The following SLCO6A1 variants were observed in gnomAD, a reference collection of about 807,000 sequenced individuals.
SLCO6A1 encodes the protein solute carrier organic anion transporter family member 6A1.
A neutral mutation model predicts 72.7 loss-of-function variants in SLCO6A1; 65 were observed. That is an observed-to-expected ratio of 0.89 (90% CI 0.73 to 1.10). The LOEUF (loss-of-function observed/expected upper bound fraction) is 1.10. SLCO6A1 is among the 50% of genes least tolerant of loss of function. SLCO6A1 has a pLI of 0.00. For synonymous variants in SLCO6A1, 314 were observed against 298.2 expected (o/e 1.05, Z -0.55); for missense variants, 874 against 872.6 (o/e 1.00, Z -0.02).
chr5:102,452,070 A>G (rs1750443960), intron 6 of SLCO6A1, among the ~76,000 whole-genome samples: 2 of 152,232 alleles, frequency 1.3e-5, no homozygotes, highest in Admixed American at 1.3e-4. Context: ...TATAGCAATA[A>G]TAGCTCACAT....
In SLCO6A1 at chr5:102,417,119, T is replaced by A. The variant is rs182129834; in HGVS notation, c.1472+2707A>T. Among the ~76,000 whole-genome samples the A allele has an allele frequency of 3.8e-3, 584 of 152,302 alleles. 3 individuals are homozygous for A. Among genetic ancestry groups the A allele is most frequent in the African/African-American group, 0.014 (562 of 41,584 alleles). ...TAATGATCTTCTTTATTCCTGCTAA[T>A]ATTCTTTGCTCTCAAAAATACTTGA... is the stretch of plus-strand genomic sequence containing the variant. On this transcript the variant is annotated intron_variant, in intron 8 of 13. Transcript: ENST00000506729.
At chr5:102,404,025 T>C (rs1165951296) in intron 9 of SLCO6A1, among the ~76,000 whole-genome samples, 1 of 152,218 alleles carries the variant, frequency 6.6e-6, no homozygotes, top group Admixed American at 6.5e-5. Flanking sequence ...TACATCACCA[T>C]TTACATAAAC....
At chr5:102,455,136 G>C (rs1001858638) in intron 6 of SLCO6A1, among the ~76,000 whole-genome samples, 1 of 151,286 alleles carries the variant, frequency 6.6e-6, no homozygotes, top group Non-Finnish European at 1.5e-5. Context: ...ATAGAGAAGA[G>C]AGACAATGAC....
At chr5:102,442,085 G>A (rs1237532652) in intron 6 of SLCO6A1, among the ~76,000 whole-genome samples, 1 of 152,044 alleles carries the variant, frequency 6.6e-6, no homozygotes, top group Non-Finnish European at 1.5e-5. Context: ...AAAAATATTG[G>A]TCTGTACTAG....
chr5:102,452,766 A>T (rs951199955), intron 6 of SLCO6A1, among the ~76,000 whole-genome samples: 1 of 152,166 alleles, frequency 6.6e-6, no homozygotes, highest in Admixed American at 6.5e-5. Context: ...ACTATTTTTT[A>T]AAATCTATGC....
At chr5:102,379,773 C>CAAAAA (rs10672287) in intron 12 of SLCO6A1, among the ~76,000 whole-genome samples, 197 of 141,006 alleles carry the variant, frequency 1.4e-3, no homozygotes, top group Middle Eastern at 4.0e-3. Context: ...TTGTCAATTT[C>CAAAAA]AAAAAAAAAA....
rs1278547279 is a variant in SLCO6A1, at chr5:102,498,963, G to T, written c.-119C>A. The T allele has an allele frequency of 9.6e-6, 9 of 937,634 alleles. No homozygotes were observed. The East Asian group carries it at 1.9e-4, about 20-fold the overall frequency. The allele number at this position is 937,634 out of a possible 1,614,324, so 58.1% of individuals were successfully genotyped here. ...TCGGAGGACTCGGTGGCCACAAGGGGCTCTTGCCGCCCAAGCCTCCAGAGC... is the reference window on the plus strand; with the variant it reads ...TCGGAGGACTCGGTGGCCACAAGGGTCTCTTGCCGCCCAAGCCTCCAGAGC... On this transcript the variant is annotated 5_prime_UTR_variant, in exon 1 of 14. Coordinates refer to ENST00000506729, the MANE Select transcript of SLCO6A1 (RefSeq NM_173488.5).
At chr5:102,450,126 T>A (rs1750336567) in intron 6 of SLCO6A1, among the ~76,000 whole-genome samples, 1 of 152,232 alleles carries the variant, frequency 6.6e-6, no homozygotes, top group African/African-American at 2.4e-5. Flanking sequence ...CTGAATTCTG[T>A]CATTTCAACC....
intron 8 of SLCO6A1, among the ~76,000 whole-genome samples, chr5:102,416,571 T>C (rs1331967541): frequency 6.6e-6 from 1 of 151,942 alleles, no homozygotes; most frequent in African/African-American, 2.4e-5. Context: ...CCATGGAGAC[T>C]CAGAAAGGTA....
At chr5:102,496,274 A>C (rs891843094) in intron 1 of SLCO6A1, among the ~76,000 whole-genome samples, 4 of 152,240 alleles carry the variant, frequency 2.6e-5, no homozygotes, top group Non-Finnish European at 2.9e-5. Flanking sequence ...CACAGGAAGC[A>C]GGTATTGTTT....
intron 1 of SLCO6A1, among the ~76,000 whole-genome samples, chr5:102,482,956 G>T (rs1342305821): frequency 6.6e-6 from 1 of 152,110 alleles, no homozygotes; most frequent in East Asian, 1.9e-4. Flanking sequence ...GACTCTTCCT[G>T]GTAGCAAGGC....
Position 102,390,985 on chromosome 5 carries a change from T to C in SLCO6A1, c.1875A>G (p.Ile625Met), listed in dbSNP as rs1394116435. ...ALGVSYVILR[I>M]FGTIPGPSIF... Reference sequence around the variant, plus strand: ...GAGATTGCCAAAAATCCATACCAAATATTCTCAAAATCACATAGCTTACAC... The same window carrying C: ...GAGATTGCCAAAAATCCATACCAAACATTCTCAAAATCACATAGCTTACAC... The change falls in exon 11 of 14, where the codon ATA (isoleucine) becomes ATG (methionine). Residue 625 changes from isoleucine (I) to methionine (M), a missense_variant. Physicochemically the swap from Ile to Met is conservative, Grantham distance 10 (BLOSUM62 1). Transcript: ENST00000506729. 6.2e-6 allele frequency: 10 copies of C among 1,613,312 alleles called. No homozygotes were observed. Among genetic ancestry groups the C allele is most frequent in the African/African-American group, 1.3e-5 (1 of 74,872 alleles).
chr5:102,473,861 G>A (rs180697818), intron 4 of SLCO6A1, among the ~76,000 whole-genome samples: 1 of 152,030 alleles, frequency 6.6e-6, no homozygotes, highest in Admixed American at 6.6e-5. Context: ...GTACAAGGAG[G>A]AGAAAGACTT....
At chr5:102,494,108 T>C (rs1752803438) in intron 1 of SLCO6A1, among the ~76,000 whole-genome samples, 1 of 152,058 alleles carries the variant, frequency 6.6e-6, no homozygotes, top group Admixed American at 6.6e-5. Flanking sequence ...TAGAACTGAA[T>C]AGAAAGTCTT....
chr5:102,396,262 C>T (rs1223478598), intron 10 of SLCO6A1, among the ~76,000 whole-genome samples: 1 of 152,032 alleles, frequency 6.6e-6, no homozygotes, highest in African/African-American at 2.4e-5. Flanking sequence ...CTACATATGG[C>T]TAGCCAGTTT....
At chr5:102,434,535 A>C (rs559237983) in intron 7 of SLCO6A1, among the ~76,000 whole-genome samples, 1 of 152,228 alleles carries the variant, frequency 6.6e-6, no homozygotes, top group African/African-American at 2.4e-5. Flanking sequence ...CTGACCAAGA[A>C]GTTTGGTGTC....
At chr5:102,414,217 T>C (rs1430458641) in intron 8 of SLCO6A1, among the ~76,000 whole-genome samples, 1 of 152,192 alleles carries the variant, frequency 6.6e-6, no homozygotes, top group East Asian at 1.9e-4. Context: ...TTTACATCTA[T>C]AATTCATTTT....
intron 8 of SLCO6A1, among the ~76,000 whole-genome samples, chr5:102,417,639 C>T (rs1253144383): frequency 1.3e-5 from 2 of 152,068 alleles, no homozygotes; most frequent in Non-Finnish European, 2.9e-5. Flanking sequence ...TTCAAAGAGA[C>T]AAGTAATAAT....
chr5:102,387,650 T>C (rs1002250412), intron 12 of SLCO6A1, among the ~76,000 whole-genome samples: 24 of 152,198 alleles, frequency 1.6e-4, no homozygotes, highest in African/African-American at 5.1e-4. Context: ...TCTATACTTT[T>C]ATCAAACAGA....
Sources: gnomAD v4.1 joint callset for allele counts (sites outside exome capture counted in the v4.1 genomes callset) on GRCh38, gnomAD v4.1.1 for gene constraint, MANE v1.5 for transcripts, NCBI Gene and HGNC (gene_info 2026-07-23, HGNC 2026-07-21) for gene names.